The following RASGRF2 variants were observed in gnomAD, a reference collection of about 807,000 sequenced individuals.
RASGRF2 encodes Ras protein specific guanine nucleotide releasing factor 2.
RASGRF2 carries 76 observed loss-of-function variants against 151.0 expected under a neutral mutation model. The observed-to-expected ratio is 0.50, with a 90% CI of 0.42 to 0.61. The LOEUF is 0.61. RASGRF2 is among the 20% of genes least tolerant of loss of function. RASGRF2 has a pLI of 0.00. For synonymous variants in RASGRF2, 504 were observed against 566.5 expected (o/e 0.89, Z 1.57); for missense variants, 1,148 against 1,564.6 (o/e 0.73, Z 4.49).
At chr5:81,177,742 C>A (rs1174858955) in intron 17 of RASGRF2, among the ~76,000 whole-genome samples, 4 of 151,878 alleles carry the variant, frequency 2.6e-5, no homozygotes, top group African/African-American at 9.7e-5. Context: ...GGGGCTTTGT[C>A]CAATTCAGGC....
rs202010463 is a variant in RASGRF2 at position 81,206,805 on chromosome 5, A to C, written c.2907-40A>C. 127 of 1,551,848 alleles carry C rather than the reference A, an allele frequency of 8.2e-5. 1 individual carries two copies. The Admixed American group carries it at 2.1e-3, about 25-fold the overall frequency. The stretch of plus-strand genomic sequence containing the variant: ...TTGTAGTTTTGTTCCTAGGTTGTCT[A>C]TTTTTTCTTTCATGGAGGATAATTT... On this transcript the variant is annotated intron_variant, in intron 19 of 26. Coordinates refer to ENST00000265080, the MANE Select transcript of RASGRF2 (RefSeq NM_006909.3).
intron 15 of RASGRF2, among the ~76,000 whole-genome samples, chr5:81,116,457 A>G (rs1753160301): frequency 6.6e-6 from 1 of 152,174 alleles, no homozygotes; most frequent in South Asian, 2.1e-4. Context: ...TTTTGACAGC[A>G]TGGGCAGCCC....
chr5:80,997,801 C>T (rs1233165530), intron 1 of RASGRF2: 2 of 151,558 alleles, frequency 1.3e-5, no homozygotes. Flanking sequence ...AACCCCGTCT[C>T]TACTAAACAT....
intron 4 of RASGRF2, among the ~76,000 whole-genome samples, chr5:81,072,387 G>A (rs1055542892): frequency 5.3e-5 from 8 of 152,134 alleles, no homozygotes; most frequent in Non-Finnish European, 8.8e-5. Flanking sequence ...AAGAAGGGTC[G>A]TTGTTTAATA....
At chr5:81,196,951 C>G (rs1032281102) in intron 18 of RASGRF2, among the ~76,000 whole-genome samples, 10 of 152,058 alleles carry the variant, frequency 6.6e-5, no homozygotes, top group African/African-American at 2.4e-4. Context: ...GAGAGTGGAA[C>G]CAAAGGAAAG....
intron 1 of RASGRF2, among the ~76,000 whole-genome samples, chr5:80,978,370 A>C (rs1288453107): frequency 6.6e-6 from 1 of 152,234 alleles, no homozygotes; most frequent in Admixed American, 6.5e-5. Context: ...ACAGAGAACT[A>C]TATGAGAAAA....
At chr5:81,109,771 C>T (rs549250828) in intron 13 of RASGRF2, among the ~76,000 whole-genome samples, 2 of 152,332 alleles carry the variant, frequency 1.3e-5, no homozygotes, top group South Asian at 4.1e-4. Context: ...GTGTCTACGT[C>T]CAATCTCATT....
At chr5:81,189,080 G>A (rs1755098630) in intron 18 of RASGRF2, among the ~76,000 whole-genome samples, 1 of 152,208 alleles carries the variant, frequency 6.6e-6, no homozygotes, top group Non-Finnish European at 1.5e-5. Context: ...GTGCAGGGAG[G>A]AGTGCTGTGC....
At chr5:81,140,990 G>GT (rs11448247) in intron 17 of RASGRF2, among the ~76,000 whole-genome samples, 85,288 of 148,736 alleles carry the variant, frequency 0.57, 26,099 homozygotes, top group East Asian at 0.81. Flanking sequence ...GTTTTCTCTG[G>GT]TTTTTTTTTT....
At chr5:81,224,892 C>T (rs149892374) in intron 26 of RASGRF2, among the ~76,000 whole-genome samples, 8 of 152,244 alleles carry the variant, frequency 5.3e-5, no homozygotes, top group Non-Finnish European at 1.2e-4. Flanking sequence ...GCAGATTGAC[C>T]GAGTAGGTGC....
chr5:81,078,995 C>G (rs1298875043), intron 5 of RASGRF2, among the ~76,000 whole-genome samples: 5 of 152,164 alleles, frequency 3.3e-5, no homozygotes, highest in Admixed American at 2.6e-4. Context: ...AACTAGAATC[C>G]TAAAGCTGGG....
chr5:81,161,174 G>T (rs1444570170), intron 17 of RASGRF2, among the ~76,000 whole-genome samples: 1 of 152,182 alleles, frequency 6.6e-6, no homozygotes. Flanking sequence ...TCACACCACC[G>T]GGTCTGAGCC....
chr5:81,085,040 G>A (rs944262408), intron 7 of RASGRF2, among the ~76,000 whole-genome samples: 4 of 152,182 alleles, frequency 2.6e-5, no homozygotes, highest in African/African-American at 9.7e-5. Flanking sequence ...TCCTTATGAT[G>A]TTAGAGGACT....
Position 81,229,216 on chromosome 5 carries a change from A to G in RASGRF2, c.*3446A>G, listed in dbSNP as rs116213739. ...AAAAATCTCTTCACTTTAAAGTATAAAGGTTTTTAAAAATCCAATTGCAAA... is the reference window on the plus strand; with the variant it reads ...AAAAATCTCTTCACTTTAAAGTATAGAGGTTTTTAAAAATCCAATTGCAAA... On this transcript the variant is annotated 3_prime_UTR_variant, in exon 27 of 27. Transcript: ENST00000265080. The G allele has an allele frequency of 1.1e-3, 174 of 152,332 alleles. No homozygotes were observed. Among genetic ancestry groups the G allele is most frequent in the African/African-American group, 4.0e-3 (167 of 41,584 alleles). The allele number at this position is 152,332 out of a possible 1,614,324, so 9.4% of individuals were successfully genotyped here.
chr5:81,137,680 C>G (rs1260023942), intron 17 of RASGRF2, among the ~76,000 whole-genome samples: 1 of 152,328 alleles, frequency 6.6e-6, no homozygotes, highest in East Asian at 1.9e-4. Flanking sequence ...CGTGAAGACA[C>G]AGGAAGAAGA....
chr5:81,143,889 GA>G (rs5869072), intron 17 of RASGRF2, among the ~76,000 whole-genome samples: 54,108 of 126,640 alleles, frequency 0.43, 10,916 homozygotes, highest in East Asian at 0.81. Flanking sequence ...AAATGTCTCA[GA>G]AAAAAAAAAA....
chr5:81,214,116 C>G (rs1755682514), intron 23 of RASGRF2, among the ~76,000 whole-genome samples: 1 of 152,180 alleles, frequency 6.6e-6, no homozygotes. Context: ...CAGGCCCACT[C>G]CGTAGTTAAG....
Position 81,212,575 on chromosome 5 carries a change from C to G in RASGRF2, c.3354+12C>G, listed in dbSNP as rs745655332. ...AGGTCTCTAAGCAGGTGAGCCTCAG[C>G]GTGTGACACAGCCTGCTGCTAAGAG... On this transcript the variant is annotated intron_variant, in intron 23 of 26. Transcript: ENST00000265080. 1 of 1,597,192 alleles carries G rather than the reference C, an allele frequency of 6.3e-7. No homozygotes were observed. The highest frequency in any genetic ancestry group is 8.5e-7 in the Non-Finnish European group (1 of 1,170,460).
intron 9 of RASGRF2, 114 bp downstream of exon 9, chr5:81,087,067 C>G (rs142350979): frequency 2.1e-6 from 2 of 967,668 alleles, no homozygotes; most frequent in East Asian, 4.8e-5. Flanking sequence ...GCCCGAAGGA[C>G]CCCCCCACGG....
Sources: gnomAD v4.1 joint callset for allele counts (sites outside exome capture counted in the v4.1 genomes callset) on GRCh38, gnomAD v4.1.1 for gene constraint, MANE v1.5 for transcripts, NCBI Gene and HGNC (gene_info 2026-07-23, HGNC 2026-07-21) for gene names.